The following PCSK6 variants were observed in gnomAD, a reference collection of about 807,000 sequenced individuals.
PCSK6 encodes proprotein convertase subtilisin/kexin type 6.
PCSK6 carries 85 observed loss-of-function variants against 123.3 expected under a neutral mutation model. The ratio of observed to expected loss-of-function variants is 0.69; its 90% CI spans 0.58 to 0.83. The LOEUF (loss-of-function observed/expected upper bound fraction) is 0.83, where lower values mean the gene tolerates loss of function less well. Among genes scored for constraint, PCSK6 ranks in the 40% least tolerant of loss-of-function variants. PCSK6 has a pLI of 0.00. For missense variants in PCSK6, 1,191 were observed against 1,282.3 expected, an observed-to-expected ratio of 0.93 and a Z score of 1.09; for synonymous variants, 508 against 516.0, an observed-to-expected ratio of 0.98 and a Z score of 0.21.
chr15:101,427,778 T>G, intron 6 of PCSK6, 114 bp downstream of exon 6: 2 of 766,330 alleles, frequency 2.6e-6, no homozygotes, highest in Admixed American at 4.5e-5. Flanking sequence ...CCCAGGGGTC[T>G]GCTGACATGG....
intron 12 of PCSK6, among the ~76,000 whole-genome samples, chr15:101,366,767 G>A (rs1168010008): frequency 6.6e-6 from 1 of 152,166 alleles, no homozygotes; most frequent in East Asian, 1.9e-4. Context: ...GGTCCCCCTG[G>A]GGTACCTTCA....
At chr15:101,350,101 T>C (rs994660077) in intron 13 of PCSK6, among the ~76,000 whole-genome samples, 2 of 151,940 alleles carry the variant, frequency 1.3e-5, no homozygotes, top group African/African-American at 4.8e-5. Flanking sequence ...AGAGATAGGG[T>C]TTCACCACGT....
At chr15:101,430,148 G>C in intron 4 of PCSK6, 85 bp from the exon 5 acceptor site, 1 of 1,027,792 alleles carries the variant, frequency 9.7e-7, no homozygotes, top group Non-Finnish European at 1.5e-6. Context: ...TTGGCAAATA[G>C]AGAAACCACA....
chr15:101,485,732 G>A (rs923477079), intron 1 of PCSK6, among the ~76,000 whole-genome samples: 4 of 152,058 alleles, frequency 2.6e-5, no homozygotes, highest in African/African-American at 4.8e-5. Flanking sequence ...CTGGACTGTC[G>A]TTACCACAAC....
chr15:101,412,212 C>T (rs1475485947), intron 6 of PCSK6, among the ~76,000 whole-genome samples: 1 of 152,160 alleles, frequency 6.6e-6, no homozygotes, highest in Non-Finnish European at 1.5e-5. Context: ...AAACAGAAGG[C>T]TGAAGTCAGG....
chr15:101,382,645 T>C (rs1358045286), intron 10 of PCSK6, among the ~76,000 whole-genome samples: 1 of 152,174 alleles, frequency 6.6e-6, no homozygotes, highest in East Asian at 1.9e-4. Context: ...CACAAGGCTG[T>C]ACTCATCTTT....
chr15:101,398,597 C>T lies in PCSK6; in HGVS notation c.824-21G>A, dbSNP rs750528636. ...GATGCCTGAAAGCACAGAGGAGGCT[C>T]GGTGTCGGCGCCCAGGCTCCGGGCA... On this transcript the variant is annotated intron_variant, in intron 6 of 21. Transcript: ENST00000611716. This position sits in a 1 kb window ranked among gnomAD's most constrained non-coding sequence, Gnocchi z 4.6. 3.3e-5 allele frequency: 53 copies of T among 1,596,266 alleles called. No homozygotes were observed. The highest frequency in any genetic ancestry group is 9.9e-5 in the South Asian group (9 of 90,624).
chr15:101,453,761 G>A (rs1041418771), intron 1 of PCSK6, among the ~76,000 whole-genome samples: 10 of 152,290 alleles, frequency 6.6e-5, no homozygotes, highest in African/African-American at 2.4e-4. Context: ...TTTTCTTTCT[G>A]AGTATGCGAG....
intron 1 of PCSK6, among the ~76,000 whole-genome samples, chr15:101,473,941 T>G (rs1459889937): frequency 6.6e-6 from 1 of 152,194 alleles, no homozygotes; most frequent in Non-Finnish European, 1.5e-5. Context: ...GTGAGGGTCT[T>G]AGATTATCAA....
chr15:101,403,724 T>C (rs1419150348), intron 6 of PCSK6, among the ~76,000 whole-genome samples: 4 of 152,262 alleles, frequency 2.6e-5, no homozygotes, highest in African/African-American at 9.6e-5. Flanking sequence ...TTTATTTATT[T>C]ATTTATTTAT....
rs1053798050 is a variant in PCSK6, at chr15:101,313,336, G to A, written c.2699+40C>T. On this transcript the variant is annotated intron_variant, in intron 20 of 21. Coordinates refer to ENST00000611716, the MANE Select transcript of PCSK6 (RefSeq NM_002570.5). ...TCTGCCCTCCAGGCACTCCTTTGCTGGACACAGCTGCCTGCCGTTCCCCGC... is the reference window on the plus strand; with the variant it reads ...TCTGCCCTCCAGGCACTCCTTTGCTAGACACAGCTGCCTGCCGTTCCCCGC... The A allele has an allele frequency of 6.2e-6, 10 of 1,612,348 alleles. No homozygotes were observed. In the South Asian group the frequency reaches 1.1e-4, roughly 18 times the overall value.
intron 13 of PCSK6, among the ~76,000 whole-genome samples, chr15:101,341,089 C>G (rs1330175903): frequency 1.3e-5 from 2 of 151,220 alleles, no homozygotes; most frequent in African/African-American, 4.9e-5. Flanking sequence ...ATGCCACCAC[C>G]ACACCCAGCT....
At chr15:101,412,994 TGGAGGAGGAGTGAGGA>T (rs143921661) in intron 6 of PCSK6, among the ~76,000 whole-genome samples, 3,941 of 131,914 alleles carry the variant, frequency 0.03, 180 homozygotes, top group African/African-American at 0.11. Flanking sequence ...TCTCTAATAA[TGGAGGAGGAGTGAGGA>T]GGAGGAGGAG....
At chr15:101,389,399 G>C in intron 9 of PCSK6, 65 bp downstream of exon 9, 1 of 1,299,312 alleles carries the variant, frequency 7.7e-7, no homozygotes, top group Non-Finnish European at 1.1e-6. Flanking sequence ...AATGGCCAAT[G>C]TCATGTGTAT....
At position 101,360,014 on chromosome 15, in the gene PCSK6, T is replaced by C. The variant is rs565425032; in HGVS notation, c.1858+6182A>G. ...TCTTCCCCCCCTGCAATGTTCCAGA[T>C]CTAGGAAACTAGGACTCCATTCTTC... is the stretch of plus-strand genomic sequence containing the variant. On this transcript the variant is annotated intron_variant, in intron 13 of 21. Coordinates refer to ENST00000611716, the MANE Select transcript of PCSK6 (RefSeq NM_002570.5). Among the ~76,000 whole-genome samples, 5 of 152,220 alleles carry C rather than the reference T, an allele frequency of 3.3e-5. No individual in the cohort carries two copies. In the South Asian group the frequency reaches 1.0e-3, roughly 32 times the overall value.
rs377624912 is a variant in PCSK6 at position 101,432,038 on chromosome 15, C to A, written c.465G>T (p.Pro155=). The change falls in exon 3 of 22, where the codon CCG becomes CCT. Residue 155 remains proline (P), a synonymous_variant. Coordinates refer to ENST00000611716, the MANE Select transcript of PCSK6 (RefSeq NM_002570.5). ...TGGGGTCGTTGAAGTAAAGGGCCTG[C>A]GGGTCACTTCGCACCTGTCTCTTCA... The part of the protein sequence containing the change: ...RRVKRQVRSD[P]QALYFNDPIW... 1.9e-6 allele frequency: 3 copies of A among 1,613,660 alleles called. No individual in the cohort carries two copies. Among genetic ancestry groups the A allele is most frequent in the East Asian group, 4.5e-5 (2 of 44,880 alleles).
chr15:101,432,337 T>G (rs2056472329), intron 2 of PCSK6, among the ~76,000 whole-genome samples: 1 of 151,348 alleles, frequency 6.6e-6, no homozygotes, highest in African/African-American at 2.4e-5. Flanking sequence ...GAAGTCGTTG[T>G]ACTAAAAGAA....
chr15:101,474,298 T>C (rs1379170150), intron 1 of PCSK6, among the ~76,000 whole-genome samples: 1 of 152,068 alleles, frequency 6.6e-6, no homozygotes, highest in Non-Finnish European at 1.5e-5. Context: ...CTAAATAAAC[T>C]CCAACTGGGA....
intron 6 of PCSK6, among the ~76,000 whole-genome samples, chr15:101,419,363 G>A (rs2056001305): frequency 6.6e-6 from 1 of 152,008 alleles, no homozygotes; most frequent in Admixed American, 6.6e-5. Flanking sequence ...AATAAGAAAT[G>A]TATAAAATCG....
Sources: allele counts gnomAD v4.1 joint callset (sites outside exome capture counted in the v4.1 genomes callset), GRCh38; gene constraint gnomAD v4.1.1; non-coding constraint Gnocchi (gnomAD v3.1); transcripts MANE v1.5; gene names NCBI Gene and HGNC (gene_info 2026-07-23, HGNC 2026-07-21).